The following MAPK10 variants were observed in gnomAD, a reference collection of about 807,000 sequenced individuals.
The protein encoded by MAPK10 is mitogen-activated protein kinase 10, also known as JNK3 alpha protein kinase.
Under a neutral mutation model 59.3 loss-of-function variants are expected in MAPK10, and 25 were observed. The observed-to-expected ratio is 0.42, with a 90% CI of 0.31 to 0.59. The LOEUF is 0.59. MAPK10 is among the 20% of genes least tolerant of loss of function. The pLI, the probability that MAPK10 is intolerant of heterozygous loss-of-function variation, is 0.15. For missense variants in MAPK10, 351 were observed against 568.9 expected, an observed-to-expected ratio of 0.62 and a Z score of 3.90; for synonymous variants, 190 against 200.5, an observed-to-expected ratio of 0.95 and a Z score of 0.44.
At chr4:86,405,324 T>C (rs943210538) in intron 1 of MAPK10, among the ~76,000 whole-genome samples, 175 of 152,300 alleles carry the variant, frequency 1.1e-3, no homozygotes, top group Non-Finnish European at 6.5e-4. Context: ...TAATATGCTA[T>C]AATAATGAGT....
chr4:86,022,820 T>C (rs956776041), intron 13 of MAPK10, among the ~76,000 whole-genome samples: 6 of 152,250 alleles, frequency 3.9e-5, no homozygotes, highest in Non-Finnish European at 8.8e-5. Context: ...GTAAGAGCTC[T>C]TTATATAATC....
intron 1 of MAPK10, among the ~76,000 whole-genome samples, chr4:86,510,989 T>C (rs1200984719): frequency 6.6e-6 from 1 of 152,154 alleles, no homozygotes; most frequent in Non-Finnish European, 1.5e-5. Context: ...AAATTATAGT[T>C]AACAATAATT....
chr4:86,207,712 T>C (rs1385186686), intron 2 of MAPK10, among the ~76,000 whole-genome samples: 1 of 152,140 alleles, frequency 6.6e-6, no homozygotes. Flanking sequence ...TTGTATCCTC[T>C]TTTATTTCAT....
At chr4:86,322,473 A>T (rs187057071) in intron 2 of MAPK10, among the ~76,000 whole-genome samples, 7 of 152,308 alleles carry the variant, frequency 4.6e-5, no homozygotes, top group Admixed American at 3.3e-4. Flanking sequence ...CCCAACCTGA[A>T]CGATGCCTAT....
chr4:86,271,847 T>A (rs1275292895), intron 2 of MAPK10, among the ~76,000 whole-genome samples: 4 of 152,042 alleles, frequency 2.6e-5, no homozygotes, highest in African/African-American at 9.7e-5. Context: ...CTGCCCTCCA[T>A]GATTCAACTA....
intron 8 of MAPK10, chr4:86,100,356 C>T (rs1443470502): frequency 6.6e-6 from 1 of 152,078 alleles, no homozygotes; most frequent in African/African-American, 2.4e-5. Context: ...AATTGTGATA[C>T]ATTTTTAAGA....
intron 1 of MAPK10, among the ~76,000 whole-genome samples, chr4:86,434,993 A>C (rs1430268113): frequency 6.6e-6 from 1 of 152,228 alleles, no homozygotes; most frequent in Non-Finnish European, 1.5e-5. Flanking sequence ...ATTTGCAGCA[A>C]CATGGACGAA....
intron 1 of MAPK10, among the ~76,000 whole-genome samples, chr4:86,464,564 G>A (rs979637797): frequency 1.3e-5 from 2 of 152,130 alleles, no homozygotes; most frequent in South Asian, 4.1e-4. Flanking sequence ...GCTCATGCCT[G>A]TAATCCCAGC....
intron 1 of MAPK10, among the ~76,000 whole-genome samples, chr4:86,584,007 TAATG>T (rs1578182832): frequency 6.6e-6 from 1 of 152,120 alleles, no homozygotes; most frequent in South Asian, 2.1e-4. Flanking sequence ...AAAAGACAGG[TAATG>T]AATGTATGAA....
intron 4 of MAPK10, among the ~76,000 whole-genome samples, chr4:86,109,882 G>C (rs763198445): frequency 6.6e-6 from 1 of 151,934 alleles, no homozygotes; most frequent in Non-Finnish European, 1.5e-5. Context: ...CCGCAGCCTT[G>C]CCAGCATCTG....
chr4:86,585,742 G>A (rs72665762), intron 1 of MAPK10, among the ~76,000 whole-genome samples: 33,911 of 152,034 alleles, frequency 0.22, 4,532 homozygotes, highest in Admixed American at 0.3. Context: ...GTAAGTCTGG[G>A]TTTGGCTCTA....
chr4:86,360,048 C>T lies in MAPK10; in HGVS notation c.-512G>A, dbSNP rs1736588496. The T allele has an allele frequency of 1.0e-6, 1 of 985,668 alleles. No homozygotes were observed. The highest frequency in any genetic ancestry group is 4.7e-5 in the South Asian group (1 of 21,288). The allele number at this position is 985,668 out of a possible 1,614,324, so 61.1% of individuals were successfully genotyped here. ...TTGTGCAGCGTGATGCTGCCTGTAC[C>T]ATTGTGGAACCTACCAGAGGAGACG... On this transcript the variant is annotated 5_prime_UTR_variant, in exon 1 of 14. An upstream start codon of the reference 5' UTR is lost. Coordinates refer to ENST00000641462, the MANE Select transcript of MAPK10 (RefSeq NM_138982.4).
intron 3 of MAPK10, among the ~76,000 whole-genome samples, chr4:86,175,099 A>T (rs959336829): frequency 2.0e-5 from 3 of 152,192 alleles, no homozygotes; most frequent in African/African-American, 7.2e-5. Context: ...CAAAGACAGG[A>T]CAAATTTTCC....
At chr4:86,509,366 T>C (rs955082368) in intron 1 of MAPK10, among the ~76,000 whole-genome samples, 1 of 151,562 alleles carries the variant, frequency 6.6e-6, no homozygotes, top group African/African-American at 2.4e-5. Flanking sequence ...TCAGATCAAA[T>C]AGGTCAAAAT....
At chr4:86,196,345 G>T (rs1461202288) in intron 2 of MAPK10, among the ~76,000 whole-genome samples, 1 of 151,952 alleles carries the variant, frequency 6.6e-6, no homozygotes, top group Non-Finnish European at 1.5e-5. Context: ...ATGTTTGTTG[G>T]CTGCATAAAT....
chr4:86,043,598 G>GA (rs2041985276), intron 11 of MAPK10, among the ~76,000 whole-genome samples: 1 of 152,124 alleles, frequency 6.6e-6, no homozygotes, highest in African/African-American at 2.4e-5. Flanking sequence ...TCTTTGAAAT[G>GA]AAAGAGACTA....
At position 86,412,881 on chromosome 4, in the gene MAPK10, G is replaced by A. The variant is rs113091366; in HGVS notation, c.-122+40149C>T. ...TAGCTTGGAGAAGTTTGTTATTACC[G>A]ACCTTCTGAAGTCTACTTCTGTAAA... On this transcript the variant is annotated intron_variant, in intron 1 of 13. Coordinates refer to the MAPK10 transcript ENST00000361569. Among the ~76,000 whole-genome samples, 440 of 152,190 alleles carry A rather than the reference G, an allele frequency of 2.9e-3. 4 individuals are homozygous for A. The highest frequency in any genetic ancestry group is 1.0e-2 in the African/African-American group (414 of 41,532).
chr4:86,382,239 G>A (rs1740832102), intron 1 of MAPK10, among the ~76,000 whole-genome samples: 2 of 151,834 alleles, frequency 1.3e-5, no homozygotes, highest in Non-Finnish European at 2.9e-5. Context: ...GCAGAGAGAC[G>A]AATGGAGGGA....
intron 2 of MAPK10, among the ~76,000 whole-genome samples, chr4:86,252,480 T>A (rs1035699718): frequency 2.2e-4 from 31 of 141,186 alleles, no homozygotes; most frequent in African/African-American, 9.0e-4. Flanking sequence ...ATCAGATAGT[T>A]GTAGGTATGC....
Sources: allele counts gnomAD v4.1 joint callset (sites outside exome capture counted in the v4.1 genomes callset), GRCh38; gene constraint gnomAD v4.1.1; transcripts MANE v1.5; gene names NCBI Gene and HGNC (gene_info 2026-07-23, HGNC 2026-07-21).